ZNF599: variants seen among roughly 807,000 people sequenced by gnomAD.
ZNF599 encodes the protein zinc finger protein 599.
In ZNF599, 10 loss-of-function variants were observed where a neutral mutation model predicts 11.7. The observed-to-expected ratio is 0.86, with a 90% CI of 0.53 to 1.45. ZNF599 has a LOEUF of 1.45. Ranked by LOEUF, ZNF599 falls within the 40% of genes most tolerant of loss-of-function variation. The pLI is 0.00. For synonymous variants in ZNF599, 232 were observed against 253.2 expected (o/e 0.92, Z 0.79); for missense variants, 688 against 713.6 (o/e 0.96, Z 0.41).
chr19:34,775,069 T>C (rs960830525), upstream of ZNF599, among the ~76,000 whole-genome samples: 1 of 152,160 alleles, frequency 6.6e-6, no homozygotes, highest in African/African-American at 2.4e-5. Context: ...TGCACCATGA[T>C]TGGAAGCTTC....
intron 3 of ZNF599, chr19:34,766,856 T>G (rs1472625069): frequency 6.5e-6 from 1 of 153,542 alleles, no homozygotes; most frequent in Non-Finnish European, 1.4e-5. Context: ...ACCTTAAAGC[T>G]GCATATTGAC....
upstream of ZNF599, among the ~76,000 whole-genome samples, chr19:34,777,580 T>C (rs1312303502): frequency 7.8e-6 from 1 of 128,580 alleles, no homozygotes; most frequent in African/African-American, 2.9e-5. Context: ...TATATATTTA[T>C]ATATATCATA....
upstream of ZNF599, among the ~76,000 whole-genome samples, chr19:34,776,528 G>A (rs2069217292): frequency 6.6e-6 from 1 of 152,184 alleles, no homozygotes; most frequent in Non-Finnish European, 1.5e-5. Flanking sequence ...AAACTAATTA[G>A]CAAGGCAGCG....
At chr19:34,767,438 T>C (rs770484575) in intron 2 of ZNF599, 27 bp from the exon 3 acceptor site, 4 of 1,574,408 alleles carry the variant, frequency 2.5e-6, no homozygotes, top group Non-Finnish European at 3.5e-6. Context: ...AAATGGAGTA[T>C]GGTGTACAGG....
In ZNF599 at chr19:34,773,058, G is replaced by A. The variant is rs1257226551; in HGVS notation, c.-217C>T. On this transcript the variant is annotated 5_prime_UTR_variant, in exon 1 of 4. Coordinates refer to ENST00000329285, the MANE Select transcript of ZNF599 (RefSeq NM_001007248.3). ...GGTTTTGCAGACGCTTGTGGGGGTG[G>A]GATCGCGGCTGACATAAAAGCGTGT... 1 of 549,288 alleles carries A rather than the reference G, an allele frequency of 1.8e-6. No homozygotes were observed. Among genetic ancestry groups the A allele is most frequent in the Non-Finnish European group, 3.1e-6 (1 of 320,634 alleles). 34.0% of individuals were successfully genotyped at this position (549,288 alleles called of 1,614,324 possible).
rs150496841 is a variant in ZNF599, at chr19:34,759,026, T to A, written c.*8A>T. On this transcript the variant is annotated 3_prime_UTR_variant, in exon 4 of 4. Transcript: ENST00000329285. Reference sequence around the variant, plus strand: ...CAAACACACTTGTAATAGGCCTTCCTGTATCTTTTAAACTCTGGTATGAAT... The same window carrying A: ...CAAACACACTTGTAATAGGCCTTCCAGTATCTTTTAAACTCTGGTATGAAT... The A allele has an allele frequency of 6.3e-7, 1 of 1,598,618 alleles. No individual in the cohort carries two copies. Among genetic ancestry groups the A allele is most frequent in the East Asian group, 2.2e-5 (1 of 44,640 alleles).
chr19:34,773,692 C>T (rs532974788), upstream of ZNF599, among the ~76,000 whole-genome samples: 9 of 142,050 alleles, frequency 6.3e-5, no homozygotes, highest in Admixed American at 4.2e-4. Flanking sequence ...CCCACTGAAT[C>T]AGGTACTCTG....
Position 34,772,667 on chromosome 19 carries a change from T to C in ZNF599, c.18+157A>G. 3 of 1,443,226 alleles carry C rather than the reference T, an allele frequency of 2.1e-6. No homozygotes were observed. The Admixed American group carries it at 7.6e-5, about 37-fold the overall frequency. 89.4% of individuals were successfully genotyped at this position (1,443,226 alleles called of 1,614,324 possible). A position where few individuals can be genotyped will look rare whatever the true frequency, so the allele number is the denominator to read the frequency against. On this transcript the variant is annotated intron_variant, in intron 1 of 3. Coordinates refer to ENST00000329285, the MANE Select transcript of ZNF599 (RefSeq NM_001007248.3). ...ATTCAGGACCCTGGGTAGGAAGTGATTAGCCCTGCCCTCTCACCTCACCCT... is the reference window on the plus strand; with the variant it reads ...ATTCAGGACCCTGGGTAGGAAGTGACTAGCCCTGCCCTCTCACCTCACCCT...
the ZNF599 span, among the ~76,000 whole-genome samples, chr19:34,785,996 T>C: frequency 4.6e-5 from 7 of 152,128 alleles, no homozygotes; most frequent in Admixed American, 2.0e-4. Flanking sequence ...GGAGTGAGGG[T>C]GCAGTGGCTC....
the ZNF599 span, among the ~76,000 whole-genome samples, chr19:34,783,489 C>A: frequency 1.3e-5 from 2 of 152,204 alleles, no homozygotes; most frequent in South Asian, 4.1e-4. Flanking sequence ...GTGTCCTGGG[C>A]TGCAGGAACC....
the ZNF599 span, among the ~76,000 whole-genome samples, chr19:34,801,895 C>A: frequency 6.6e-6 from 1 of 152,200 alleles, no homozygotes; most frequent in Non-Finnish European, 1.5e-5. Flanking sequence ...TCCACATGCC[C>A]CTAAGTATAC....
chr19:34,795,383 T>C, the ZNF599 span, among the ~76,000 whole-genome samples: 1 of 152,164 alleles, frequency 6.6e-6, no homozygotes, highest in African/African-American at 2.4e-5. Context: ...CAAGCAACCC[T>C]CCTGCCTCAG....
intron 3 of ZNF599, among the ~76,000 whole-genome samples, chr19:34,760,864 T>G (rs901405995): frequency 2.0e-5 from 3 of 152,154 alleles, no homozygotes; most frequent in African/African-American, 7.2e-5. Context: ...ATGAATGTGC[T>G]CTGACAGAGG....
At chr19:34,806,860 G>A in the ZNF599 span, among the ~76,000 whole-genome samples, 2 of 152,154 alleles carry the variant, frequency 1.3e-5, no homozygotes, top group African/African-American at 4.8e-5. Flanking sequence ...CGGCCAAGCT[G>A]GTACAAGGAG....
upstream of ZNF599, among the ~76,000 whole-genome samples, chr19:34,777,314 TTATCTA>T (rs1320939336): frequency 1.2e-4 from 12 of 101,550 alleles, no homozygotes; most frequent in South Asian, 6.2e-4. Context: ...TTATGTATAT[TTATCTA>T]TATTATATAT....
At chr19:34,776,069 A>G (rs191549173), upstream of ZNF599, among the ~76,000 whole-genome samples, 8 of 152,352 alleles carry the variant, frequency 5.3e-5, no homozygotes, top group Admixed American at 4.6e-4. Flanking sequence ...TCCAAAGTAG[A>G]ATAAATTTAT....
chr19:34,781,017 G>A, the ZNF599 span, among the ~76,000 whole-genome samples: 2 of 151,930 alleles, frequency 1.3e-5, no homozygotes, highest in Admixed American at 6.6e-5. Flanking sequence ...TTAGCCGGGC[G>A]CGGTGGCGGG....
chr19:34,776,264 C>T (rs1457369620), upstream of ZNF599, among the ~76,000 whole-genome samples: 1 of 152,144 alleles, frequency 6.6e-6, no homozygotes, highest in East Asian at 1.9e-4. Context: ...TTTGGACAGA[C>T]AAGTTGTGTG....
intron 1 of ZNF599, among the ~76,000 whole-genome samples, chr19:34,770,564 C>A (rs1234861538): frequency 1.3e-5 from 2 of 152,200 alleles, no homozygotes; most frequent in East Asian, 3.9e-4. Flanking sequence ...GACTTGTAGA[C>A]TCCCTGGAAT....
Sources: allele counts gnomAD v4.1 joint callset (sites outside exome capture counted in the v4.1 genomes callset), GRCh38; gene constraint gnomAD v4.1.1; transcripts MANE v1.5; gene names NCBI Gene and HGNC (gene_info 2026-07-23, HGNC 2026-07-21).